CLUH: variants seen among roughly 807,000 people sequenced by gnomAD.
CLUH encodes clustered mitochondria protein homolog.
A neutral mutation model predicts 139.3 loss-of-function variants in CLUH; 77 were observed. That is an observed-to-expected ratio of 0.55 (90% confidence interval 0.46 to 0.67). The LOEUF (loss-of-function observed/expected upper bound fraction) is 0.67. Ranked by LOEUF, CLUH falls within the 30% of genes least tolerant of loss-of-function variation. The probability of loss-of-function intolerance (pLI) is 0.00; values close to 1 mark genes in which losing one functional copy is unlikely to be tolerated. For missense variants in CLUH, 1,876 were observed against 1,875.8 expected (o/e 1.00, Z 0.00); for synonymous variants, 999 against 801.6 (o/e 1.25, Z -4.16).
Position 2,692,658 on chromosome 17 carries a change from C to G in CLUH, c.3351G>C (p.Leu1117=), listed in dbSNP as rs1272253148. Residue 1117 remains leucine (L), a synonymous_variant, in exon 21 of 26, where the codon CTG becomes CTC. Transcript: ENST00000651024. Reference sequence around the variant, plus strand: ...GGTACAGCAGGCTCAGGGCGGTGGACAGCTGGCTGCTGGCGAAGCAGTACA... The same window carrying G: ...GGTACAGCAGGCTCAGGGCGGTGGAGAGCTGGCTGCTGGCGAAGCAGTACA... ...LALYCFASSQ[L]STALSLLYRA... is the part of the protein sequence containing the mutation. The G allele has an allele frequency of 6.2e-7, 1 of 1,612,562 alleles. No homozygotes were observed. Among genetic ancestry groups the G allele is most frequent in the Non-Finnish European group, 8.5e-7 (1 of 1,179,386 alleles).
rs1482643768 is a variant in CLUH, at chr17:2,709,206, AG to A, written c.100+2355del. The stretch of plus-strand genomic sequence containing the variant: ...ACAATCTCACTCAGAAGACTGTGCC[AG>A]GGCCAGGCCACGCCCCAGCCAAGGC... On this transcript the variant is annotated intron_variant, in intron 1 of 25. Coordinates refer to ENST00000651024, the MANE Select transcript of CLUH (RefSeq NM_001366661.1). Among the ~76,000 whole-genome samples, 4 of 152,272 alleles carry A rather than the reference AG, an allele frequency of 2.6e-5. No homozygotes were observed. In the East Asian group the frequency reaches 7.8e-4, roughly 30 times the overall value.
rs2070183060 is a variant in CLUH, at chr17:2,701,606, A to T, written c.744+7T>A. 8.7e-6 allele frequency: 14 copies of T among 1,610,194 alleles called. No homozygotes were observed. Among genetic ancestry groups the T allele is most frequent in the Non-Finnish European group, 1.2e-5 (14 of 1,178,334 alleles). On this transcript the variant is annotated splice_region_variant and intron_variant, in intron 5 of 25. Coordinates refer to ENST00000651024, the MANE Select transcript of CLUH (RefSeq NM_001366661.1). ...GGACCCTCTTCCTCCCTCCCCCAGGATCCTACCTTCCAGTCACGGTTTTGG... is the reference window on the plus strand; with the variant it reads ...GGACCCTCTTCCTCCCTCCCCCAGGTTCCTACCTTCCAGTCACGGTTTTGG...
Position 2,691,758 on chromosome 17 carries a change from C to G in CLUH, c.3789+3G>C, listed in dbSNP as rs1235781451. On this transcript the variant is annotated splice_donor_region_variant and intron_variant, in intron 24 of 25. Transcript: ENST00000651024. ...CGGAGGGGCCGCTCCGCCCCGGACTCACCTTGAGGGGCGGGATGTTGGCGC... is the reference window on the plus strand; with the variant it reads ...CGGAGGGGCCGCTCCGCCCCGGACTGACCTTGAGGGGCGGGATGTTGGCGC... 6.3e-7 allele frequency: 1 copy of G among 1,596,918 alleles called. No homozygotes were observed. The highest frequency in any genetic ancestry group is 8.5e-7 in the Non-Finnish European group (1 of 1,172,300).
In CLUH at chr17:2,696,274, G is replaced by A; in HGVS notation, c.2291-15C>T. On this transcript the variant is annotated splice_polypyrimidine_tract_variant and intron_variant, in intron 12 of 25. Coordinates refer to ENST00000651024, the MANE Select transcript of CLUH (RefSeq NM_001366661.1). ...GAAACGAACCCCTGGAGGAGGGAGAGCAGAGAGGCTGAGCCAGGCAGTGGC... is the reference window on the plus strand; with the variant it reads ...GAAACGAACCCCTGGAGGAGGGAGAACAGAGAGGCTGAGCCAGGCAGTGGC... The A allele has an allele frequency of 1.3e-6, 2 of 1,561,336 alleles. No homozygotes were observed. The highest frequency in any genetic ancestry group is 1.7e-6 in the Non-Finnish European group (2 of 1,152,204).
intron 1 of CLUH, chr17:2,708,045 GGCA>G: frequency 5.1e-6 from 5 of 975,606 alleles, no homozygotes; most frequent in Non-Finnish European, 6.1e-6. Flanking sequence ...GAACAGAGCT[GGCA>G]GCAAGAGGCC....
intron 6 of CLUH, 43 bp downstream of exon 6, chr17:2,701,323 G>A (rs769230652): frequency 1.0e-5 from 16 of 1,606,500 alleles, no homozygotes; most frequent in African/African-American, 9.4e-5. Context: ...GACCCAGGAC[G>A]GCTGGCACGG....
In CLUH at chr17:2,695,458, C is replaced by T. The variant is rs894873703; in HGVS notation, c.2460G>A (p.Gln820=). 6.2e-7 allele frequency: 1 copy of T among 1,611,698 alleles called. No homozygotes were observed. Among genetic ancestry groups the T allele is most frequent in the Non-Finnish European group, 8.5e-7 (1 of 1,179,782 alleles). The change falls in exon 14 of 26, where the codon CAG becomes CAA. Residue 820 remains glutamine (Q), a synonymous_variant. Coordinates refer to ENST00000651024, the MANE Select transcript of CLUH (RefSeq NM_001366661.1). ...DGATLAEVMR[Q]RGINMRYLGK... ...CCAGGTAGCGCATGTTGATGCCCCG[C>T]TGGCGCATCACCTCTGCCAGCGTTG...
chr17:2,691,803 C>T lies in CLUH; in HGVS notation c.3747G>A (p.Glu1249=). The T allele has an allele frequency of 6.3e-7, 1 of 1,585,246 alleles. No individual in the cohort carries two copies. Reference sequence around the variant, plus strand: ...TGGCGCTGGAGCCGTTGCGGTAGATCTCGTTCATGGTGCGCTGCAGGGCCA... The same window carrying T: ...TGGCGCTGGAGCCGTTGCGGTAGATTTCGTTCATGGTGCGCTGCAGGGCCA... The part of the protein sequence containing the change: ...QAVALQRTMN[E]IYRNGSSANI... Residue 1249 remains glutamate (E), a synonymous_variant, in exon 24 of 26, where the codon GAG becomes GAA. Transcript: ENST00000651024.
chr17:2,697,579 AC>A (rs34628496), intron 10 of CLUH, among the ~76,000 whole-genome samples: 1 of 151,290 alleles, frequency 6.6e-6, no homozygotes, highest in Non-Finnish European at 1.5e-5. Context: ...AGCGGCGGGG[AC>A]CCCCGGTGCC....
intron 13 of CLUH, chr17:2,695,861 G>A (rs1041843593): frequency 5.5e-6 from 3 of 547,996 alleles, no homozygotes; most frequent in Non-Finnish European, 6.5e-6. Flanking sequence ...GAGCCTGCGG[G>A]AGGAGGAGGA....
At chr17:2,711,535 C>A (rs1247766483) in intron 1 of CLUH, 27 bp downstream of exon 1, 6 of 786,950 alleles carry the variant, frequency 7.6e-6, no homozygotes, top group East Asian at 1.3e-4. Context: ...CCCCGCCCAG[C>A]GGCCCGCTGG....
At chr17:2,705,546 G>A (rs373372583) in intron 1 of CLUH, among the ~76,000 whole-genome samples, 124 of 152,196 alleles carry the variant, frequency 8.1e-4, no homozygotes, top group African/African-American at 2.8e-3. Context: ...ATTCTGTACA[G>A]CAAACACTGA....
At chr17:2,709,669 C>A (rs1439610645) in intron 1 of CLUH, among the ~76,000 whole-genome samples, 2 of 152,134 alleles carry the variant, frequency 1.3e-5, no homozygotes, top group African/African-American at 4.8e-5. Flanking sequence ...TTGCCCCCGA[C>A]CCTCAATGGC....
intron 13 of CLUH, chr17:2,695,852 A>G (rs1222981857): frequency 6.9e-6 from 4 of 577,362 alleles, no homozygotes; most frequent in African/African-American, 5.7e-5. Flanking sequence ...CCAGACACAG[A>G]GCCTGCGGGA....
intron 25 of CLUH, among the ~76,000 whole-genome samples, chr17:2,691,351 TAA>T (rs771767166): frequency 6.6e-5 from 10 of 152,064 alleles, no homozygotes; most frequent in South Asian, 4.1e-4. Flanking sequence ...ATCGCAAGGT[TAA>T]GAGTTCGAGA....
At position 2,695,227 on chromosome 17, in the gene CLUH, C is replaced by T. The variant is rs950890650; in HGVS notation, c.2598G>A (p.Thr866=). The T allele has an allele frequency of 1.1e-5, 18 of 1,613,774 alleles. No homozygotes were observed. In the African/African-American group the frequency reaches 1.6e-4, roughly 14 times the overall value. ...AGCGGACGGGTGGCACCTGTAAGTA[C>T]GTCTTGAAGATGTGCTTGGCCGAGC... ...ITRSAKHIFK[T]YLQGVELSGL... The change falls in exon 15 of 26, where the codon ACG becomes ACA. Residue 866 remains threonine (T), a synonymous_variant. Coordinates refer to ENST00000651024, the MANE Select transcript of CLUH (RefSeq NM_001366661.1).
Position 2,697,944 on chromosome 17 carries a change from T to C in CLUH, c.1913A>G (p.Lys638Arg), listed in dbSNP as rs1269610872. The change falls in exon 10 of 26, where the codon AAG becomes AGG. Residue 638 changes from lysine to arginine, a missense_variant. By Grantham distance (26) the Lys-to-Arg change is conservative (BLOSUM62 2). Transcript: ENST00000651024. ...CAGCTCCTGGCGCAGGCAGCAGAGC[T>C]TGTGCCGGTGGGCGCGGGGGAAGCC... ...RAGFPRAHRHKLCCLRQELVD... is the reference protein window; with the variant it reads ...RAGFPRAHRHRLCCLRQELVD... The C allele has an allele frequency of 6.4e-7, 1 of 1,555,378 alleles. No individual in the cohort carries two copies.
At position 2,696,460 on chromosome 17, in the gene CLUH, C is replaced by T. The variant is rs2069949050; in HGVS notation, c.2264G>A (p.Arg755His). The change falls in exon 12 of 26, where the codon CGC becomes CAC. Residue 755 changes from arginine (R) to histidine (H), a missense_variant. Coordinates refer to ENST00000651024, the MANE Select transcript of CLUH (RefSeq NM_001366661.1). The stretch of plus-strand genomic sequence containing the variant: ...TGGTGAGAAGATGTCAGGATTGAAG[C>T]GAATGTCGAAGGCGGTGCTGCTGAT... ...GSISSTAFDI[R>H]FNPDIFSPGV... 1.3e-6 allele frequency: 2 copies of T among 1,594,770 alleles called. No homozygotes were observed. The highest frequency in any genetic ancestry group is 8.5e-7 in the Non-Finnish European group (1 of 1,172,174).
chr17:2,702,784 T>C (rs570721600), intron 3 of CLUH, among the ~76,000 whole-genome samples: 2 of 151,926 alleles, frequency 1.3e-5, no homozygotes, highest in South Asian at 2.1e-4. Context: ...GGGATGGTAC[T>C]GCCTGATTTT....
Sources: allele counts gnomAD v4.1 joint callset (sites outside exome capture counted in the v4.1 genomes callset), GRCh38; gene constraint gnomAD v4.1.1; transcripts MANE v1.5; gene names NCBI Gene and HGNC (gene_info 2026-07-23, HGNC 2026-07-21).